The following ARHGAP20 variants were observed in gnomAD, a reference collection of about 807,000 sequenced individuals.
ARHGAP20 encodes Rho GTPase activating protein 20.
Under a neutral mutation model 73.7 loss-of-function variants are expected in ARHGAP20, and 34 were observed. That is an observed-to-expected ratio of 0.46 (90% CI 0.35 to 0.61). The LOEUF is 0.61. ARHGAP20 is among the 20% of genes least tolerant of loss of function. The pLI is 0.00. For synonymous variants in ARHGAP20, 523 were observed against 518.2 expected (o/e 1.01, Z -0.13); for missense variants, 1,314 against 1,420.9 (o/e 0.92, Z 1.21).
chr11:110,638,490 A>G (rs994851876), intron 2 of ARHGAP20, among the ~76,000 whole-genome samples: 1 of 152,022 alleles, frequency 6.6e-6, no homozygotes, highest in Non-Finnish European at 1.5e-5. Context: ...GTCTTAGGTA[A>G]GAGATGTTGC....
At chr11:110,690,406 T>G (rs576856136) in intron 2 of ARHGAP20, 141 bp downstream of exon 2, 1 of 761,970 alleles carries the variant, frequency 1.3e-6, no homozygotes, top group African/African-American at 1.8e-5. Context: ...ACAAAAGTTG[T>G]ATTTTCTACT....
chr11:110,699,811 G>A (rs906715808), intron 1 of ARHGAP20, among the ~76,000 whole-genome samples: 1 of 151,762 alleles, frequency 6.6e-6, no homozygotes. Flanking sequence ...TATTCCTCCA[G>A]TGTCCTCCTT....
In ARHGAP20 at chr11:110,579,662, A is replaced by G; in HGVS notation, c.3284T>C (p.Leu1095Ser). The change falls in exon 15 of 15, where the codon TTA (leucine) becomes TCA (serine). Residue 1095 changes from leucine (L) to serine (S), a missense_variant. By Grantham distance (145) the Leu-to-Ser change is moderately radical (BLOSUM62 -2). Coordinates refer to ENST00000683387, the MANE Select transcript of ARHGAP20 (RefSeq NM_001384657.1). ...SLQEEQKDLP[L>S]RAAEGLSPVQ... Reference sequence around the variant, plus strand: ...AGGGGACAGTCCTTCAGCTGCCCTTAAGGGCAAGTCTTTTTGTTCCTCTTG... The same window carrying G: ...AGGGGACAGTCCTTCAGCTGCCCTTGAGGGCAAGTCTTTTTGTTCCTCTTG... The G allele has an allele frequency of 6.2e-7, 1 of 1,614,186 alleles. No homozygotes were observed. Among genetic ancestry groups the G allele is most frequent in the East Asian group, 2.2e-5 (1 of 44,880 alleles).
chr11:110,698,122 T>C (rs1265280315), intron 1 of ARHGAP20, among the ~76,000 whole-genome samples: 1 of 151,732 alleles, frequency 6.6e-6, no homozygotes, highest in African/African-American at 2.4e-5. Context: ...TAAGGGTTTT[T>C]ATCACGAAGG....
At chr11:110,654,902 G>A (rs76717909) in intron 2 of ARHGAP20, among the ~76,000 whole-genome samples, 2,041 of 152,214 alleles carry the variant, frequency 0.013, 53 homozygotes, top group African/African-American at 0.046. Context: ...GTTGGGAGAA[G>A]ATTTGACAAT....
chr11:110,673,679 T>C (rs766434517), intron 2 of ARHGAP20, among the ~76,000 whole-genome samples: 1 of 152,120 alleles, frequency 6.6e-6, no homozygotes, highest in Non-Finnish European at 1.5e-5. Flanking sequence ...TTCTGAACCA[T>C]TGTGTCACTT....
In ARHGAP20 at chr11:110,586,231, A is replaced by C; in HGVS notation, c.1400T>G (p.Ile467Arg). The C allele has an allele frequency of 6.5e-7, 1 of 1,529,856 alleles. No individual in the cohort carries two copies. The highest frequency in any genetic ancestry group is 8.8e-7 in the Non-Finnish European group (1 of 1,134,614). The allele number at this position is 1,529,856 out of a possible 1,614,324, so 94.8% of individuals were successfully genotyped here. ...VMDQGNDEEK[I>R]NTVQRLLDQL... is the part of the protein sequence containing the mutation. ...GAATAATTACCTTTGAACAGTATTT[A>C]TTTTCTCTTCATCATTTCCTTGATC... The change falls in exon 12 of 15, where the codon ATA (isoleucine) becomes AGA (arginine). Residue 467 changes from isoleucine to arginine, a missense_variant. This residue lies in a region of ARHGAP20 where 230 missense variants were observed against 317.6 expected (regional missense o/e 0.72). Transcript: ENST00000683387.
At chr11:110,614,264 C>T (rs758629761) in intron 6 of ARHGAP20, among the ~76,000 whole-genome samples, 1 of 152,112 alleles carries the variant, frequency 6.6e-6, no homozygotes, top group Non-Finnish European at 1.5e-5. Flanking sequence ...AATATTCATG[C>T]CAGAGGGAGG....
In ARHGAP20 at chr11:110,624,205, A is replaced by G. The variant is rs1948687633; in HGVS notation, c.460T>C (p.Phe154Leu). The G allele has an allele frequency of 9.3e-6, 15 of 1,612,942 alleles. No individual in the cohort carries two copies. The highest frequency in any genetic ancestry group is 1.3e-5 in the Non-Finnish European group (15 of 1,179,742). Reference sequence around the variant, plus strand: ...TTCACTGTGGGCCAGCCCAAAACAAAGGATTTCATGGCATTGGTGTTGCCT... The same window carrying G: ...TTCACTGTGGGCCAGCCCAAAACAAGGGATTTCATGGCATTGGTGTTGCCT... ...GEGNTNAMKS[F>L]VLGWPTVNFV... is the part of the protein sequence containing the mutation. Residue 154 changes from phenylalanine (F) to leucine (L), a missense_variant, in exon 4 of 15, where the codon TTT (phenylalanine) becomes CTT (leucine). Coordinates refer to ENST00000683387, the MANE Select transcript of ARHGAP20 (RefSeq NM_001384657.1).
At chr11:110,680,097 A>C (rs1323332967) in intron 2 of ARHGAP20, among the ~76,000 whole-genome samples, 2 of 152,162 alleles carry the variant, frequency 1.3e-5, no homozygotes, top group Non-Finnish European at 2.9e-5. Flanking sequence ...TATTTTTAAT[A>C]ATTTTATTTA....
chr11:110,605,051 A>C (rs540800300), intron 9 of ARHGAP20, among the ~76,000 whole-genome samples: 1 of 152,318 alleles, frequency 6.6e-6, no homozygotes, highest in Non-Finnish European at 1.5e-5. Context: ...GCACAGAGTT[A>C]ATCTAGAGAT....
chr11:110,705,549 C>T (rs45616131), intron 1 of ARHGAP20, among the ~76,000 whole-genome samples: 23,926 of 152,082 alleles, frequency 0.16, 1,943 homozygotes, highest in South Asian at 0.29. Context: ...AGAAGATTAT[C>T]CTTAACTTTT....
At chr11:110,590,476 T>A (rs941967498) in intron 11 of ARHGAP20, among the ~76,000 whole-genome samples, 172 bp downstream of exon 11, 1 of 152,200 alleles carries the variant, frequency 6.6e-6, no homozygotes, top group Non-Finnish European at 1.5e-5. Flanking sequence ...GCTTTTAAAG[T>A]CCAATGTTGA....
intron 2 of ARHGAP20, among the ~76,000 whole-genome samples, chr11:110,690,114 T>G (rs983040473): frequency 3.3e-5 from 5 of 152,188 alleles, no homozygotes; most frequent in African/African-American, 4.8e-5. Flanking sequence ...ATATTCCATT[T>G]TAAAAAATAA....
At chr11:110,630,907 A>T in intron 2 of ARHGAP20, 115 bp from the exon 3 acceptor site, 1 of 1,039,366 alleles carries the variant, frequency 9.6e-7, no homozygotes, top group Admixed American at 2.5e-5. Flanking sequence ...ACTGGTCATG[A>T]GTCTATTCAC....
At chr11:110,606,522 T>A in intron 9 of ARHGAP20, 39 bp downstream of exon 9, 1 of 1,583,026 alleles carries the variant, frequency 6.3e-7, no homozygotes, top group Non-Finnish European at 8.6e-7. Context: ...GTACTAAATT[T>A]ATGTTCAAGA....
chr11:110,581,188 G>T lies in ARHGAP20; in HGVS notation c.1758C>A (p.Asp586Glu). Residue 586 changes from aspartate (D) to glutamate (E), a missense_variant, in exon 15 of 15, where the codon GAC becomes GAA. By Grantham distance (45) the Asp-to-Glu change is conservative. Coordinates refer to ENST00000683387, the MANE Select transcript of ARHGAP20 (RefSeq NM_001384657.1). The part of the protein sequence containing the change: ...SCFQLNDSSY[D>E]SLENELNEDV... ...CCTCATTTAGCTCATTTTCCAAGCT[G>T]TCATAGGAGGAGTCATTCAGTTGAA... 6.2e-7 allele frequency: 1 copy of T among 1,613,460 alleles called. No homozygotes were observed.
At chr11:110,634,046 C>A (rs1226738078) in intron 2 of ARHGAP20, among the ~76,000 whole-genome samples, 3 of 152,098 alleles carry the variant, frequency 2.0e-5, no homozygotes, top group Non-Finnish European at 4.4e-5. Context: ...AAGATGGAGA[C>A]TGGTGAATGA....
At position 110,583,743 on chromosome 11, in the gene ARHGAP20, G is replaced by T. The variant is rs1201570148; in HGVS notation, c.1416-6C>A. 1 of 1,540,674 alleles carries T rather than the reference G, an allele frequency of 6.5e-7. No homozygotes were observed. The highest frequency in any genetic ancestry group is 2.0e-5 in the Admixed American group (1 of 49,526). The stretch of plus-strand genomic sequence containing the variant: ...TCGGAAGCTGGTCTAATAGCCTAAA[G>T]ACAGAAAAATTACTCTTTAAGCAAG... On this transcript the variant is annotated splice_region_variant and splice_polypyrimidine_tract_variant and intron_variant, in intron 12 of 14. Transcript: ENST00000683387.
Sources: allele counts gnomAD v4.1 joint callset (sites outside exome capture counted in the v4.1 genomes callset), GRCh38; gene constraint gnomAD v4.1.1; regional missense constraint gnomAD v4.1.1; transcripts MANE v1.5; gene names NCBI Gene and HGNC (gene_info 2026-07-23, HGNC 2026-07-21).